SMIM38: variants seen among roughly 807,000 people sequenced by gnomAD.
SMIM38 encodes small integral membrane protein 38.
rs1443677544 is a variant in SMIM38 at position 69,158,688 on chromosome 11, C to A, written c.*686C>A. ...TGTAGGGGACAATTTAGGGGACAAG[C>A]CAAGGCACCCATCAATGCCCTCTGT... On this transcript the variant is annotated 3_prime_UTR_variant, in exon 2 of 3. Transcript: ENST00000686237. 2.6e-5 allele frequency: 4 copies of A among 152,358 alleles called. No homozygotes were observed. The highest frequency in any genetic ancestry group is 9.6e-5 in the African/African-American group (4 of 41,454). The allele number at this position is 152,358 out of a possible 1,614,324, so 9.4% of individuals were successfully genotyped here.
Position 69,156,450 on chromosome 11 carries a change from C to T in SMIM38, c.-674+336C>T, listed in dbSNP as rs181608192. On this transcript the variant is annotated intron_variant, in intron 1 of 2. Transcript: ENST00000686237. ...TTGGAGTTAGAGGGGGCAGTTCTGG[C>T]GGTTTATCTCTCACTCACAGAAACT... 2.2e-3 allele frequency among the ~76,000 whole-genome samples: 329 copies of T among 152,262 alleles called. 1 individual carries two copies. The highest frequency in any genetic ancestry group is 3.5e-3 in the Non-Finnish European group (235 of 68,018).
At chr11:69,155,646 G>C (rs145788848), upstream of SMIM38, 4 of 152,262 alleles carry the variant, frequency 2.6e-5, no homozygotes, top group Non-Finnish European at 5.9e-5. Flanking sequence ...AGACGGCCCC[G>C]GCTCCCCCAG....
rs1184447241 is a variant in SMIM38 at position 69,159,854 on chromosome 11, T to C, written c.*1758T>C. 4.6e-5 allele frequency: 7 copies of C among 152,214 alleles called. No homozygotes were observed. The highest frequency in any genetic ancestry group is 1.0e-4 in the Non-Finnish European group (7 of 68,038). 9.4% of individuals were successfully genotyped at this position (152,214 alleles called of 1,614,324 possible). On this transcript the variant is annotated 3_prime_UTR_variant, in exon 3 of 3. Coordinates refer to ENST00000686237, the MANE Select transcript of SMIM38 (RefSeq NM_001369201.2). ...AAAAACATGATCTGGTACCATTTCA[T>C]TGATCTCTTTAAGGAAGAAAAATCA...
Position 69,160,850 on chromosome 11 carries a change from C to T in SMIM38, c.*2754C>T, listed in dbSNP as rs1857047620. 1 of 152,198 alleles carries T rather than the reference C, an allele frequency of 6.6e-6. No homozygotes were observed. Among genetic ancestry groups the T allele is most frequent in the Non-Finnish European group, 1.5e-5 (1 of 68,042 alleles). 9.4% of individuals were successfully genotyped at this position (152,198 alleles called of 1,614,324 possible). A position where few individuals can be genotyped will look rare whatever the true frequency, so the allele number is the denominator to read the frequency against. On this transcript the variant is annotated 3_prime_UTR_variant, in exon 3 of 3. Coordinates refer to ENST00000686237, the MANE Select transcript of SMIM38 (RefSeq NM_001369201.2). ...GAATGAATGAGAGGGTGTGCCCTGG[C>T]CGTATCTCAGGCAGCAGATGCATTC...
At position 69,160,251 on chromosome 11, in the gene SMIM38, A is replaced by G. The variant is rs551284502; in HGVS notation, c.*2155A>G. 7 of 150,906 alleles carry G rather than the reference A, an allele frequency of 4.6e-5. No individual in the cohort carries two copies. The highest frequency in any genetic ancestry group is 2.0e-4 in the Admixed American group (3 of 15,202). The allele number at this position is 150,906 out of a possible 1,614,324, so 9.3% of individuals were successfully genotyped here. ...ACCCAGGCTGGAGGGCAGTGGCGCAATCTTGGCTCACTGCAACCTCCGCCT... is the reference window on the plus strand; with the variant it reads ...ACCCAGGCTGGAGGGCAGTGGCGCAGTCTTGGCTCACTGCAACCTCCGCCT... On this transcript the variant is annotated 3_prime_UTR_variant, in exon 3 of 3. Coordinates refer to ENST00000686237, the MANE Select transcript of SMIM38 (RefSeq NM_001369201.2).
In SMIM38 at chr11:69,159,774, G is replaced by A. The variant is rs2134701107; in HGVS notation, c.*1678G>A. ...CCTGAATATTCTCGCCTGATCGTAG[G>A]ATTGTGGGGAGGGATATTCTCATTG... On this transcript the variant is annotated 3_prime_UTR_variant, in exon 3 of 3. Coordinates refer to ENST00000686237, the MANE Select transcript of SMIM38 (RefSeq NM_001369201.2). 6.6e-6 allele frequency: 1 copy of A among 152,336 alleles called. No individual in the cohort carries two copies. The highest frequency in any genetic ancestry group is 1.9e-4 in the East Asian group (1 of 5,182). 9.4% of individuals were successfully genotyped at this position (152,336 alleles called of 1,614,324 possible). A position where few individuals can be genotyped will look rare whatever the true frequency, so the allele number is the denominator to read the frequency against.
At chr11:69,157,030 A>G (rs1039037830) in intron 1 of SMIM38, 144 bp from the exon 2 acceptor site, 2 of 152,500 alleles carry the variant, frequency 1.3e-5, no homozygotes, top group African/African-American at 4.8e-5. Context: ...CTGGGGGATG[A>G]AGCCGGTTTC....
At position 69,161,316 on chromosome 11, in the gene SMIM38, G is replaced by A. The variant is rs1253892299; in HGVS notation, c.*3220G>A. On this transcript the variant is annotated 3_prime_UTR_variant, in exon 3 of 3. Coordinates refer to ENST00000686237, the MANE Select transcript of SMIM38 (RefSeq NM_001369201.2). ...CCAAGTTTGTTATAAAGAAACAGAG[G>A]CAAAATGGCGATCAGGCAGGCAACT... is the stretch of plus-strand genomic sequence containing the variant. 1 of 152,244 alleles carries A rather than the reference G, an allele frequency of 6.6e-6. No homozygotes were observed. The highest frequency in any genetic ancestry group is 1.5e-5 in the Non-Finnish European group (1 of 68,044). 9.4% of individuals were successfully genotyped at this position (152,244 alleles called of 1,614,324 possible). A position where few individuals can be genotyped will look rare whatever the true frequency, so the allele number is the denominator to read the frequency against.
Position 69,160,594 on chromosome 11 carries a change from C to A in SMIM38, c.*2498C>A, listed in dbSNP as rs1395565169. The stretch of plus-strand genomic sequence containing the variant: ...TCAAGGCGGCCCCATGAGAACACAG[C>A]CACCTGGAAAAATGGTGGAAGGGAA... On this transcript the variant is annotated 3_prime_UTR_variant, in exon 3 of 3. Transcript: ENST00000686237. The A allele has an allele frequency of 6.6e-6, 1 of 152,300 alleles. No individual in the cohort carries two copies. The highest frequency in any genetic ancestry group is 1.5e-5 in the Non-Finnish European group (1 of 68,120). 9.4% of individuals were successfully genotyped at this position (152,300 alleles called of 1,614,324 possible).
rs898280288 is a variant in SMIM38 at position 69,160,453 on chromosome 11, G to A, written c.*2357G>A. Reference sequence around the variant, plus strand: ...TCTGCCTGCCTTGGCCTCCCGAAATGCTGGGGTTACAGGCATGAGCTACCA... The same window carrying A: ...TCTGCCTGCCTTGGCCTCCCGAAATACTGGGGTTACAGGCATGAGCTACCA... On this transcript the variant is annotated 3_prime_UTR_variant, in exon 3 of 3. Coordinates refer to ENST00000686237, the MANE Select transcript of SMIM38 (RefSeq NM_001369201.2). The A allele has an allele frequency of 2.6e-5, 4 of 152,350 alleles. No homozygotes were observed. Among genetic ancestry groups the A allele is most frequent in the African/African-American group, 9.7e-5 (4 of 41,430 alleles). 9.4% of individuals were successfully genotyped at this position (152,350 alleles called of 1,614,324 possible). A position where few individuals can be genotyped will look rare whatever the true frequency, so the allele number is the denominator to read the frequency against.
chr11:69,158,274 G>T lies in SMIM38; in HGVS notation c.*272G>T, dbSNP rs1407415789. On this transcript the variant is annotated 3_prime_UTR_variant, in exon 2 of 3. Coordinates refer to ENST00000686237, the MANE Select transcript of SMIM38 (RefSeq NM_001369201.2). ...CCCGGTTGCAGGGAGTGGTCCTGGG[G>T]GTGGGTCTTGCTTTAAGACCTTCTC... The T allele has an allele frequency of 6.1e-6, 2 of 327,558 alleles. No homozygotes were observed. The highest frequency in any genetic ancestry group is 2.1e-5 in the African/African-American group (1 of 47,086). The allele number at this position is 327,558 out of a possible 1,614,324, so 20.3% of individuals were successfully genotyped here.
In SMIM38 at chr11:69,158,487, C is replaced by G. The variant is rs943217876; in HGVS notation, c.*485C>G. On this transcript the variant is annotated 3_prime_UTR_variant, in exon 2 of 3. Coordinates refer to ENST00000686237, the MANE Select transcript of SMIM38 (RefSeq NM_001369201.2). Reference sequence around the variant, plus strand: ...GCCTCCCAAGGGACGAGATAAGTGCCGATGGCTGTCCTGATTTCTCCAGAG... The same window carrying G: ...GCCTCCCAAGGGACGAGATAAGTGCGGATGGCTGTCCTGATTTCTCCAGAG... 5 of 152,526 alleles carry G rather than the reference C, an allele frequency of 3.3e-5. No homozygotes were observed. Among genetic ancestry groups the G allele is most frequent in the Non-Finnish European group, 7.3e-5 (5 of 68,284 alleles). The allele number at this position is 152,526 out of a possible 1,614,324, so 9.4% of individuals were successfully genotyped here. A position where few individuals can be genotyped will look rare whatever the true frequency, so the allele number is the denominator to read the frequency against.
chr11:69,158,093 C>A lies in SMIM38; in HGVS notation c.*91C>A. ...GGGAGGGAGGGGAGCAGGGCAGGCG[C>A]ATGATCCCCATGTCCCACCCCTGGG... On this transcript the variant is annotated 3_prime_UTR_variant, in exon 2 of 3. Transcript: ENST00000686237. 1.0e-5 allele frequency: 4 copies of A among 398,060 alleles called. No individual in the cohort carries two copies. The highest frequency in any genetic ancestry group is 1.8e-5 in the Non-Finnish European group (4 of 226,036). 24.7% of individuals were successfully genotyped at this position (398,060 alleles called of 1,614,324 possible). A position where few individuals can be genotyped will look rare whatever the true frequency, so the allele number is the denominator to read the frequency against.
At position 69,160,719 on chromosome 11, in the gene SMIM38, A is replaced by G. The variant is rs1297283768; in HGVS notation, c.*2623A>G. On this transcript the variant is annotated 3_prime_UTR_variant, in exon 3 of 3. Transcript: ENST00000686237. ...TTTCATTGGTTTCTGTTCCTGGAAA[A>G]TGGACACAATTCTGATGAATTCATG... The G allele has an allele frequency of 3.9e-5, 6 of 152,158 alleles. No individual in the cohort carries two copies. Among genetic ancestry groups the G allele is most frequent in the African/African-American group, 1.4e-4 (6 of 41,438 alleles). 9.4% of individuals were successfully genotyped at this position (152,158 alleles called of 1,614,324 possible).
intron 1 of SMIM38, among the ~76,000 whole-genome samples, chr11:69,156,639 G>T (rs982928831): frequency 6.6e-6 from 1 of 152,100 alleles, no homozygotes; most frequent in African/African-American, 2.4e-5. Flanking sequence ...AGAAGGCTGG[G>T]CAGACACTGT....
upstream of SMIM38, chr11:69,155,840 C>T (rs1251780099): frequency 9.8e-5 from 15 of 152,294 alleles, no homozygotes; most frequent in Admixed American, 9.8e-4. Flanking sequence ...CAAGCAAATG[C>T]TCTATCGATG....
chr11:69,158,284 G>A lies in SMIM38; in HGVS notation c.*282G>A, dbSNP rs1857016098. 1 of 309,378 alleles carries A rather than the reference G, an allele frequency of 3.2e-6. No individual in the cohort carries two copies. Among genetic ancestry groups the A allele is most frequent in the East Asian group, 5.2e-5 (1 of 19,302 alleles). The allele number at this position is 309,378 out of a possible 1,614,324, so 19.2% of individuals were successfully genotyped here. A position where few individuals can be genotyped will look rare whatever the true frequency, so the allele number is the denominator to read the frequency against. On this transcript the variant is annotated 3_prime_UTR_variant, in exon 2 of 3. Transcript: ENST00000686237. The stretch of plus-strand genomic sequence containing the variant: ...GGGAGTGGTCCTGGGGGTGGGTCTT[G>A]CTTTAAGACCTTCTCTGCCTCCAAT...
rs976497957 is a variant in SMIM38, at chr11:69,161,609, C to T, written c.*3513C>T. On this transcript the variant is annotated 3_prime_UTR_variant, in exon 3 of 3. Coordinates refer to ENST00000686237, the MANE Select transcript of SMIM38 (RefSeq NM_001369201.2). ...GAAGTCCAAGGCTGAGACAGACATGCTCCTTCTTAGAGACACATGGGAACA... is the reference window on the plus strand; with the variant it reads ...GAAGTCCAAGGCTGAGACAGACATGTTCCTTCTTAGAGACACATGGGAACA... 6.6e-6 allele frequency: 1 copy of T among 152,236 alleles called. No homozygotes were observed. Among genetic ancestry groups the T allele is most frequent in the Non-Finnish European group, 1.5e-5 (1 of 68,046 alleles). The allele number at this position is 152,236 out of a possible 1,614,324, so 9.4% of individuals were successfully genotyped here.
In SMIM38 at chr11:69,161,926, G is replaced by A. The variant is rs530221299; in HGVS notation, c.*3830G>A. 6.6e-6 allele frequency: 1 copy of A among 152,188 alleles called. No homozygotes were observed. Among genetic ancestry groups the A allele is most frequent in the South Asian group, 2.1e-4 (1 of 4,818 alleles). 9.4% of individuals were successfully genotyped at this position (152,188 alleles called of 1,614,324 possible). On this transcript the variant is annotated 3_prime_UTR_variant, in exon 3 of 3. Transcript: ENST00000686237. Reference sequence around the variant, plus strand: ...CAAAGGATGGGTGTCCTAATCAGAGGAGGAGATTAGGACCCAGACACACAC... The same window carrying A: ...CAAAGGATGGGTGTCCTAATCAGAGAAGGAGATTAGGACCCAGACACACAC...
Sources: allele counts gnomAD v4.1 joint callset (sites outside exome capture counted in the v4.1 genomes callset), GRCh38; gene constraint gnomAD v4.1.1; transcripts MANE v1.5; gene names NCBI Gene and HGNC (gene_info 2026-07-23, HGNC 2026-07-21).